BCKDHB: variants seen among roughly 807,000 people sequenced by gnomAD.
The protein encoded by BCKDHB is 2-oxoisovalerate dehydrogenase subunit beta, mitochondrial.
A neutral mutation model predicts 48.5 loss-of-function variants in BCKDHB; 41 were observed. The observed-to-expected ratio is 0.85, with a 90% CI of 0.66 to 1.10. The LOEUF (loss-of-function observed/expected upper bound fraction) is 1.10. Ranked by LOEUF, BCKDHB falls within the 50% of genes least tolerant of loss-of-function variation. BCKDHB has a pLI of 0.00. For missense variants in BCKDHB, 496 were observed against 494.2 expected, an observed-to-expected ratio of 1.00 and a Z score of -0.03; for synonymous variants, 201 against 174.8, an observed-to-expected ratio of 1.15 and a Z score of -1.18.
intron 8 of BCKDHB, among the ~76,000 whole-genome samples, chr6:80,207,948 G>A (rs1372183944): frequency 6.6e-6 from 1 of 151,758 alleles, no homozygotes; most frequent in African/African-American, 2.4e-5. Flanking sequence ...CTTAAATCTT[G>A]CTTAATCAAG....
At chr6:80,120,462 A>G (rs1253129209) in intron 1 of BCKDHB, among the ~76,000 whole-genome samples, 3 of 152,102 alleles carry the variant, frequency 2.0e-5, no homozygotes, top group Non-Finnish European at 4.4e-5. Context: ...GGTTGAACCA[A>G]TTTACACTCC....
chr6:80,190,473 C>T (rs1773843566), intron 6 of BCKDHB, among the ~76,000 whole-genome samples: 2 of 151,828 alleles, frequency 1.3e-5, no homozygotes, highest in Non-Finnish European at 2.9e-5. Flanking sequence ...TATCTATAAC[C>T]GAGTTCTTTA....
chr6:80,230,545 T>G (rs1775885096), intron 8 of BCKDHB, among the ~76,000 whole-genome samples: 1 of 152,154 alleles, frequency 6.6e-6, no homozygotes, highest in Admixed American at 6.5e-5. Flanking sequence ...ATAGTAAATA[T>G]TTTCAACTTT....
At position 80,345,921 on chromosome 6, in the gene BCKDHB, AT is replaced by A. The variant is rs1295968391; in HGVS notation, c.*2120del. On this transcript the variant is annotated 3_prime_UTR_variant, in exon 10 of 10. Transcript: ENST00000320393. The stretch of plus-strand genomic sequence containing the variant: ...CAATATGCTAAAAGTTAAATATGGT[AT>A]TTAAGAAAATAGTCATGTATGCAAT... The A allele has an allele frequency of 6.6e-6, 1 of 152,256 alleles. No individual in the cohort carries two copies. The highest frequency in any genetic ancestry group is 2.4e-5 in the African/African-American group (1 of 41,470). The allele number at this position is 152,256 out of a possible 1,614,324, so 9.4% of individuals were successfully genotyped here. A position where few individuals can be genotyped will look rare whatever the true frequency, so the allele number is the denominator to read the frequency against.
intron 9 of BCKDHB, among the ~76,000 whole-genome samples, chr6:80,285,547 T>C (rs1766587097): frequency 6.6e-6 from 1 of 152,136 alleles, no homozygotes; most frequent in Non-Finnish European, 1.5e-5. Context: ...AACCACAGTA[T>C]CTTTTCTCCT....
At chr6:80,237,785 G>A (rs972187668) in intron 8 of BCKDHB, among the ~76,000 whole-genome samples, 4 of 152,024 alleles carry the variant, frequency 2.6e-5, no homozygotes, top group African/African-American at 4.8e-5. Flanking sequence ...GAAAATCAAG[G>A]TAATTAACAT....
chr6:80,459,883 T>G, the BCKDHB span, among the ~76,000 whole-genome samples: 1 of 152,156 alleles, frequency 6.6e-6, no homozygotes, highest in Non-Finnish European at 1.5e-5. Flanking sequence ...TCCAATTCAT[T>G]ATGACATCTT....
chr6:80,267,099 T>C (rs1414032161), intron 8 of BCKDHB, among the ~76,000 whole-genome samples: 3 of 152,096 alleles, frequency 2.0e-5, no homozygotes, highest in African/African-American at 7.2e-5. Context: ...ATTTGCTCAA[T>C]GTAATATCTA....
chr6:80,206,298 C>A (rs367623778), intron 8 of BCKDHB, among the ~76,000 whole-genome samples: 1 of 22,824 alleles, frequency 4.4e-5, no homozygotes, highest in African/African-American at 2.3e-4. Context: ...CGCAGCAGAG[C>A]CAAGGAGTCA....
intron 3 of BCKDHB, among the ~76,000 whole-genome samples, chr6:80,159,472 T>C (rs1240541882): frequency 6.6e-6 from 1 of 152,230 alleles, no homozygotes; most frequent in Non-Finnish European, 1.5e-5. Context: ...TAGTAATTTT[T>C]TAAATTTGCG....
At chr6:80,287,108 T>A (rs1453071454) in intron 9 of BCKDHB, among the ~76,000 whole-genome samples, 4 of 152,166 alleles carry the variant, frequency 2.6e-5, no homozygotes, top group Non-Finnish European at 5.9e-5. Context: ...TTAAAAACAT[T>A]GTTCTCTTTC....
chr6:80,205,048 G>A (rs1353307273), intron 8 of BCKDHB, among the ~76,000 whole-genome samples: 1 of 152,078 alleles, frequency 6.6e-6, no homozygotes, highest in Non-Finnish European at 1.5e-5. Context: ...GACAGTGAAA[G>A]CCAGCTTCTT....
chr6:80,321,994 T>C (rs911584699), intron 9 of BCKDHB, among the ~76,000 whole-genome samples: 1 of 152,062 alleles, frequency 6.6e-6, no homozygotes, highest in African/African-American at 2.4e-5. Flanking sequence ...AGAGAAGCAA[T>C]GATTAATAGA....
chr6:80,171,467 T>C, intron 6 of BCKDHB, 77 bp downstream of exon 6: 1 of 845,306 alleles, frequency 1.2e-6, no homozygotes, highest in Non-Finnish European at 1.8e-6. Flanking sequence ...GTTATATCTT[T>C]TTTTTCTATA....
intron 1 of BCKDHB, among the ~76,000 whole-genome samples, chr6:80,119,306 A>G (rs1009018165): frequency 2.0e-5 from 3 of 152,136 alleles, no homozygotes; most frequent in African/African-American, 7.2e-5. Flanking sequence ...TCAAACTCCT[A>G]TAAATGTTGA....
chr6:80,346,788 G>A (rs781764889), downstream of BCKDHB, among the ~76,000 whole-genome samples: 6 of 152,084 alleles, frequency 3.9e-5, no homozygotes, highest in Non-Finnish European at 5.9e-5. Flanking sequence ...TTCTTACTCT[G>A]CCTCTTCTGC....
intron 9 of BCKDHB, among the ~76,000 whole-genome samples, chr6:80,337,166 C>T (rs1287943868): frequency 6.6e-6 from 1 of 152,028 alleles, no homozygotes. Context: ...TTTGCTAAAA[C>T]TCATGTTTTG....
At chr6:80,302,875 A>G (rs186237825) in intron 9 of BCKDHB, among the ~76,000 whole-genome samples, 7 of 152,300 alleles carry the variant, frequency 4.6e-5, no homozygotes, top group African/African-American at 1.7e-4. Context: ...AAACATTGCA[A>G]TATGAACATA....
At chr6:80,300,597 T>C (rs1282985459) in intron 9 of BCKDHB, among the ~76,000 whole-genome samples, 3 of 152,150 alleles carry the variant, frequency 2.0e-5, no homozygotes, top group Non-Finnish European at 4.4e-5. Context: ...GTTAGAAATA[T>C]CACTGAGGCA....
Sources: gnomAD v4.1 joint callset for allele counts (sites outside exome capture counted in the v4.1 genomes callset) on GRCh38, gnomAD v4.1.1 for gene constraint, MANE v1.5 for transcripts, NCBI Gene and HGNC (gene_info 2026-07-23, HGNC 2026-07-21) for gene names.